SLC9B2: variants seen among roughly 807,000 people sequenced by gnomAD.
SLC9B2 encodes solute carrier family 9 member B2.
Under a neutral mutation model 52.2 loss-of-function variants are expected in SLC9B2, and 39 were observed. The ratio of observed to expected loss-of-function variants is 0.75; its 90% confidence interval spans 0.58 to 0.98. The LOEUF is 0.98. Ranked by LOEUF, SLC9B2 falls within the 50% of genes least tolerant of loss-of-function variation. The pLI, the probability that SLC9B2 is intolerant of heterozygous loss-of-function variation, is 0.00. For synonymous variants in SLC9B2, 214 were observed against 227.0 expected (o/e 0.94, Z 0.51); for missense variants, 626 against 637.5 (o/e 0.98, Z 0.19).
At chr4:103,029,708 T>G (rs1421269042) in intron 10 of SLC9B2, among the ~76,000 whole-genome samples, 2 of 151,834 alleles carry the variant, frequency 1.3e-5, no homozygotes, top group East Asian at 3.8e-4. Context: ...ATGATACAGC[T>G]AAGGTGACTC....
At chr4:103,046,698 T>C (rs767287857) in intron 7 of SLC9B2, among the ~76,000 whole-genome samples, 1 of 149,896 alleles carries the variant, frequency 6.7e-6, no homozygotes, top group Non-Finnish European at 1.5e-5. Flanking sequence ...TCTCCACACA[T>C]CTTTTGTGTG....
At chr4:103,031,594 C>A (rs1742704139) in intron 10 of SLC9B2, 106 bp downstream of exon 10, 2 of 773,170 alleles carry the variant, frequency 2.6e-6, no homozygotes, top group South Asian at 1.8e-5. Flanking sequence ...CCACTGTACA[C>A]ATACCTGCTG....
In SLC9B2 at chr4:103,057,246, A is replaced by ATATATATATATGTG. The variant is rs1181507086; in HGVS notation, c.442+554_442+555insCACATATATATATA. ...TTTTTAATGTCAGTTAATTTTAAGT[A>ATATATATATATGTG]TATATATATATATATATATATATAT... On this transcript the variant is annotated intron_variant, in intron 4 of 11. Coordinates refer to ENST00000394785, the MANE Select transcript of SLC9B2 (RefSeq NM_178833.7). 1.1e-3 allele frequency among the ~76,000 whole-genome samples: 34 copies of ATATATATATATGTG among 31,494 alleles called. No individual in the cohort carries two copies. In the African/African-American group the frequency reaches 0.015, roughly 14 times the overall value. The allele number at this position is 31,494 out of a possible 152,430, so 20.7% of individuals were successfully genotyped here.
At chr4:103,038,786 A>G (rs556962514) in intron 9 of SLC9B2, among the ~76,000 whole-genome samples, 76 of 152,342 alleles carry the variant, frequency 5.0e-4, no homozygotes, top group Admixed American at 1.4e-3. Flanking sequence ...CAACAAAAAA[A>G]TCTGTAAAAG....
intron 9 of SLC9B2, among the ~76,000 whole-genome samples, chr4:103,038,277 T>C (rs1743344825): frequency 6.6e-6 from 1 of 152,244 alleles, no homozygotes; most frequent in Non-Finnish European, 1.5e-5. Flanking sequence ...TCCTCAAATG[T>C]GTTTCATATA....
chr4:103,047,591 G>A (rs915235233), intron 6 of SLC9B2, among the ~76,000 whole-genome samples: 5 of 127,846 alleles, frequency 3.9e-5, no homozygotes, highest in Non-Finnish European at 7.7e-5. Flanking sequence ...TCCCCTTCCT[G>A]TGTCCATGTG....
chr4:103,069,929 TG>T (rs1464444454), intron 1 of SLC9B2, among the ~76,000 whole-genome samples: 1 of 152,240 alleles, frequency 6.6e-6, no homozygotes, highest in Admixed American at 6.5e-5. Context: ...AATGTTATTA[TG>T]GGGTCCTTTT....
At chr4:103,047,262 TCTTA>T (rs778698546) in intron 6 of SLC9B2, 36 bp from the exon 7 acceptor site, 10 of 1,541,250 alleles carry the variant, frequency 6.5e-6, no homozygotes, top group Non-Finnish European at 8.8e-6. Context: ...TATGATAACA[TCTTA>T]CTTATTACTA....
chr4:103,040,513 T>C (rs1743540403), intron 9 of SLC9B2, among the ~76,000 whole-genome samples: 2 of 152,180 alleles, frequency 1.3e-5, no homozygotes, highest in Admixed American at 6.5e-5. Context: ...TGAATTTGCC[T>C]ATAAACAAAA....
Position 103,066,414 on chromosome 4 carries a change from T to G in SLC9B2, c.184A>C (p.Thr62Pro). 1 of 1,614,062 alleles carries G rather than the reference T, an allele frequency of 6.2e-7. No individual in the cohort carries two copies. The highest frequency in any genetic ancestry group is 2.2e-5 in the East Asian group (1 of 44,898). ...TGTACGTGATTTGCTTCAGTTGGTG[T>G]TTCTTGTAGCTTTTTTTCACTGCTT... Reference protein sequence around the residue: ...LKSSEKKLQETPTEANHVQRL... With the variant: ...LKSSEKKLQEPPTEANHVQRL... The change falls in exon 3 of 12, where the codon ACA (threonine) becomes CCA (proline). Residue 62 changes from threonine (T) to proline (P), a missense_variant. Physicochemically the swap from Thr to Pro is conservative, Grantham distance 38. Transcript: ENST00000394785.
intron 6 of SLC9B2, among the ~76,000 whole-genome samples, chr4:103,047,844 A>T (rs1482121100): frequency 6.6e-6 from 1 of 152,182 alleles, no homozygotes; most frequent in East Asian, 1.9e-4. Flanking sequence ...CCAGAAAAAC[A>T]TGTATGTGTA....
At chr4:103,062,887 G>C (rs1302540940) in intron 3 of SLC9B2, among the ~76,000 whole-genome samples, 1 of 152,172 alleles carries the variant, frequency 6.6e-6, no homozygotes, top group African/African-American at 2.4e-5. Flanking sequence ...TGGGATTACA[G>C]GTTTGAGCCA....
At chr4:103,045,630 C>T (rs1293727029) in intron 7 of SLC9B2, among the ~76,000 whole-genome samples, 2 of 143,386 alleles carry the variant, frequency 1.4e-5, no homozygotes, top group African/African-American at 2.5e-5. Flanking sequence ...GGGGGTGGGG[C>T]GGGGAGAGGA....
chr4:103,064,364 G>T (rs544597012), intron 3 of SLC9B2, among the ~76,000 whole-genome samples: 218 of 152,302 alleles, frequency 1.4e-3, no homozygotes, highest in African/African-American at 4.9e-3. Flanking sequence ...TGAACCTGGA[G>T]GACATTATGC....
chr4:103,027,389 G>C (rs563324461), intron 11 of SLC9B2, among the ~76,000 whole-genome samples: 240 of 152,222 alleles, frequency 1.6e-3, no homozygotes, highest in Non-Finnish European at 2.9e-3. Flanking sequence ...CATGAAACAT[G>C]AAAATAGTGG....
downstream of SLC9B2, among the ~76,000 whole-genome samples, chr4:103,020,971 A>G (rs1201483029): frequency 6.6e-6 from 1 of 152,180 alleles, no homozygotes; most frequent in African/African-American, 2.4e-5. Flanking sequence ...AACGTGTTAT[A>G]GACATCTCAG....
intron 4 of SLC9B2, among the ~76,000 whole-genome samples, chr4:103,055,970 A>AT (rs1232110890): frequency 6.6e-6 from 1 of 150,932 alleles, no homozygotes; most frequent in East Asian, 2.0e-4. Flanking sequence ...CGCCTGACTA[A>AT]TTTTTTTGTA....
chr4:103,033,435 A>G (rs1436561096), intron 9 of SLC9B2, among the ~76,000 whole-genome samples: 1 of 152,162 alleles, frequency 6.6e-6, no homozygotes, highest in Non-Finnish European at 1.5e-5. Context: ...AAGAGCAATC[A>G]GGCAAGAGAA....
chr4:103,048,952 T>A lies in SLC9B2; in HGVS notation c.654A>T (p.Thr218=). The change falls in exon 6 of 12, where the codon ACA becomes ACT. Residue 218 remains threonine, a synonymous_variant. Coordinates refer to ENST00000394785, the MANE Select transcript of SLC9B2 (RefSeq NM_178833.7). ...GCAGGTAATGGGCAAGAAGAGCAGA[T>A]GTGCACGCCTCCACAATACAGGGAC... ...SMGPCIVEAC[T]SALLAHYLLG... The A allele has an allele frequency of 6.2e-7, 1 of 1,614,032 alleles. No individual in the cohort carries two copies. The highest frequency in any genetic ancestry group is 8.5e-7 in the Non-Finnish European group (1 of 1,179,916).
Sources: gnomAD v4.1 joint callset for allele counts (sites outside exome capture counted in the v4.1 genomes callset) on GRCh38, gnomAD v4.1.1 for gene constraint, MANE v1.5 for transcripts, NCBI Gene and HGNC (gene_info 2026-07-23, HGNC 2026-07-21) for gene names.